Variants in OTUD4 observed in about 807,000 individuals in gnomAD.
OTUD4 encodes OTU deubiquitinase 4.
A neutral mutation model predicts 130.4 loss-of-function variants in OTUD4; 24 were observed. That is an observed-to-expected ratio of 0.18 (90% confidence interval 0.13 to 0.26). The LOEUF (loss-of-function observed/expected upper bound fraction) is 0.26, where lower values mean the gene tolerates loss of function less well. OTUD4 is among the 10% of genes least tolerant of loss of function. The pLI, the probability that OTUD4 is intolerant of heterozygous loss-of-function variation, is 1.00. For missense variants in OTUD4, 1,031 were observed against 1,329.4 expected (o/e 0.78, Z 3.49); for synonymous variants, 420 against 472.5 (o/e 0.89, Z 1.44).
intron 14 of OTUD4, among the ~76,000 whole-genome samples, chr4:145,145,877 A>C (rs1750794509): frequency 2.0e-5 from 3 of 152,224 alleles, no homozygotes; most frequent in African/African-American, 7.2e-5. Context: ...CTCCAACAGC[A>C]AACACCCTGA....
intron 7 of OTUD4, among the ~76,000 whole-genome samples, chr4:145,157,684 C>CAAAAAAAA (rs923938636): frequency 4.5e-5 from 2 of 44,082 alleles, no homozygotes; most frequent in African/African-American, 8.4e-5. Context: ...AACTCCGTCT[C>CAAAAAAAA]AAAAAAAAAA....
At chr4:145,173,706 A>G (rs141305337) in intron 2 of OTUD4, among the ~76,000 whole-genome samples, 1 of 152,316 alleles carries the variant, frequency 6.6e-6, no homozygotes, top group East Asian at 1.9e-4. Context: ...AATAACACCC[A>G]AAGTTGTCAG....
chr4:145,142,350 G>A lies in OTUD4; in HGVS notation c.1684-16C>T. The stretch of plus-strand genomic sequence containing the variant: ...CTGCTGGCTTCTTCAAGAAAGGGGT[G>A]AGTGGGGGAAGACAGAAAAAGACAA... On this transcript the variant is annotated splice_polypyrimidine_tract_variant and intron_variant, in intron 17 of 20. Transcript: ENST00000447906. 1.2e-6 allele frequency: 2 copies of A among 1,612,384 alleles called. No individual in the cohort carries two copies. The highest frequency in any genetic ancestry group is 1.1e-5 in the South Asian group (1 of 90,774).
intron 1 of OTUD4, among the ~76,000 whole-genome samples, chr4:145,175,731 G>GA (rs1395762969): frequency 2.6e-5 from 4 of 151,524 alleles, no homozygotes; most frequent in African/African-American, 9.7e-5. Flanking sequence ...TTTTAGTAGA[G>GA]ACAGGGTTTC....
At position 145,138,264 on chromosome 4, in the gene OTUD4, G is replaced by A. The variant is rs761745222; in HGVS notation, c.2511C>T (p.Phe837=). The change falls in exon 21 of 21, where the codon TTC becomes TTT. Residue 837 remains phenylalanine (F), a synonymous_variant. Transcript: ENST00000447906. The part of the protein sequence containing the change: ...YEESLSGKNM[F]PQPSFGPNPF... The stretch of plus-strand genomic sequence containing the variant: ...GATTGGGTCCAAAAGATGGCTGGGG[G>A]AACATATTCTTGCCACTTAGTGACT... 4 of 1,613,968 alleles carry A rather than the reference G, an allele frequency of 2.5e-6. No individual in the cohort carries two copies. Among genetic ancestry groups the A allele is most frequent in the Admixed American group, 3.3e-5 (2 of 60,018 alleles).
intron 20 of OTUD4, 114 bp from the exon 21 acceptor site, chr4:145,138,764 C>T (rs1750410155): frequency 1.2e-6 from 1 of 821,004 alleles, no homozygotes; most frequent in South Asian, 1.8e-5. Context: ...CTACAAAGAC[C>T]ATATAATCTA....
chr4:145,179,741 A>C (rs968794076), intron 1 of OTUD4, 74 bp downstream of exon 1: 35 of 1,432,998 alleles, frequency 2.4e-5, no homozygotes, highest in East Asian at 3.1e-5. Context: ...GACAGCCCGC[A>C]GCTGCCTCCC....
Position 145,141,538 on chromosome 4 carries a change from C to A in OTUD4, c.1924G>T (p.Val642Leu). 1 of 1,612,524 alleles carries A rather than the reference C, an allele frequency of 6.2e-7. No homozygotes were observed. Among genetic ancestry groups the A allele is most frequent in the Non-Finnish European group, 8.5e-7 (1 of 1,179,098 alleles). ...GGCTGGTTAACTGCCTGTATTGACACAGGAACTGGAGAGGGTGTTAAATGA... is the reference window on the plus strand; with the variant it reads ...GGCTGGTTAACTGCCTGTATTGACAAAGGAACTGGAGAGGGTGTTAAATGA... The part of the protein sequence containing the change: ...QAHLTPSPVP[V>L]SIQAVNQPLM... Residue 642 changes from valine to leucine, a missense_variant, in exon 19 of 21, where the codon GTG (valine) becomes TTG (leucine). Physicochemically the swap from Val to Leu is conservative, Grantham distance 32 (BLOSUM62 1). Coordinates refer to ENST00000447906, the MANE Select transcript of OTUD4 (RefSeq NM_001366057.1).
chr4:145,153,264 C>T (rs1488978584), intron 10 of OTUD4, among the ~76,000 whole-genome samples: 1 of 152,182 alleles, frequency 6.6e-6, no homozygotes, highest in Non-Finnish European at 1.5e-5. Flanking sequence ...CTAAACAAAA[C>T]AGGCAGCAGG....
Position 145,142,321 on chromosome 4 carries a change from T to A in OTUD4, c.1697A>T (p.His566Leu). ...PSPAEQKPAE[H>L]VSLSNPAPLL... Reference sequence around the variant, plus strand: ...GGGAGCTGGATTTGACAAAGACACATGTTCTGCTGGCTTCTTCAAGAAAGG... The same window carrying A: ...GGGAGCTGGATTTGACAAAGACACAAGTTCTGCTGGCTTCTTCAAGAAAGG... Residue 566 changes from histidine to leucine, a missense_variant, in exon 18 of 21, where the codon CAT (histidine) becomes CTT (leucine). His to Leu is a moderately conservative substitution (Grantham distance 99, BLOSUM62 -3). Transcript: ENST00000447906. The A allele has an allele frequency of 6.2e-7, 1 of 1,613,960 alleles. No individual in the cohort carries two copies. The highest frequency in any genetic ancestry group is 8.5e-7 in the Non-Finnish European group (1 of 1,179,902).
intron 7 of OTUD4, among the ~76,000 whole-genome samples, chr4:145,157,669 A>G: frequency 6.8e-6 from 1 of 147,208 alleles, no homozygotes; most frequent in East Asian, 2.0e-4. Context: ...GGGCAACAAG[A>G]GCAAAACTCC....
At chr4:145,148,393 G>T (rs1750916632) in intron 13 of OTUD4, among the ~76,000 whole-genome samples, 1 of 152,094 alleles carries the variant, frequency 6.6e-6, no homozygotes, top group African/African-American at 2.4e-5. Flanking sequence ...CAGCTACTTG[G>T]GAGGCTGAGG....
In OTUD4 at chr4:145,137,928, T is replaced by C. The variant is rs1407450556; in HGVS notation, c.2847A>G (p.Ala949=). 1.9e-6 allele frequency: 3 copies of C among 1,614,168 alleles called. No homozygotes were observed. Among genetic ancestry groups the C allele is most frequent in the South Asian group, 2.2e-5 (2 of 91,088 alleles). The change falls in exon 21 of 21, where the codon GCA becomes GCG. Residue 949 remains alanine (A), a synonymous_variant. Coordinates refer to ENST00000447906, the MANE Select transcript of OTUD4 (RefSeq NM_001366057.1). Reference sequence around the variant, plus strand: ...CTGCTACAGGAGGGATGGAAGCCAATGCCGTATCTGCCTTTCGTGTCTGGG... The same window carrying C: ...CTGCTACAGGAGGGATGGAAGCCAACGCCGTATCTGCCTTTCGTGTCTGGG... ...QSSQTRKADT[A]LASIPPVAEG...
At chr4:145,144,159 C>G (rs981269372) in intron 15 of OTUD4, 152 bp downstream of exon 15, 6 of 1,018,390 alleles carry the variant, frequency 5.9e-6, no homozygotes, top group Non-Finnish European at 8.8e-6. Context: ...CATCCTTTAG[C>G]TTGAGTCAAT....
intron 11 of OTUD4, among the ~76,000 whole-genome samples, chr4:145,151,163 A>G (rs902104564): frequency 1.3e-5 from 2 of 152,230 alleles, no homozygotes; most frequent in African/African-American, 4.8e-5. Context: ...TTAAATAAAT[A>G]CAGAATGACT....
intron 1 of OTUD4, chr4:145,179,518 C>A: frequency 1.1e-6 from 1 of 881,490 alleles, no homozygotes; most frequent in East Asian, 5.3e-5. Context: ...GCCAGGTCCC[C>A]AGCAATAAAT....
At chr4:145,149,539 A>T (rs1168476475) in intron 13 of OTUD4, 1 of 152,182 alleles carries the variant, frequency 6.6e-6, no homozygotes, top group Non-Finnish European at 1.5e-5. Context: ...CTTTCTTTTT[A>T]AGACTAGCCA....
chr4:145,159,723 T>A, intron 6 of OTUD4, 88 bp from the exon 7 acceptor site: 7 of 1,228,064 alleles, frequency 5.7e-6, no homozygotes, highest in Non-Finnish European at 8.1e-6. Context: ...TAACTTTCTA[T>A]TGCTCAGGCT....
At chr4:145,171,584 G>A in intron 3 of OTUD4, 86 bp downstream of exon 3, 5 of 703,178 alleles carry the variant, frequency 7.1e-6, no homozygotes, top group South Asian at 6.7e-5. Context: ...TCTATACACT[G>A]TAATAGTAAT....
Sources: allele counts gnomAD v4.1 joint callset (sites outside exome capture counted in the v4.1 genomes callset), GRCh38; gene constraint gnomAD v4.1.1; transcripts MANE v1.5; gene names NCBI Gene and HGNC (gene_info 2026-07-23, HGNC 2026-07-21).